The following PLXDC2 variants were observed in gnomAD, a reference collection of about 807,000 sequenced individuals.
PLXDC2 encodes the protein plexin domain-containing protein 2.
In PLXDC2, 40 loss-of-function variants were observed where a neutral mutation model predicts 68.9. The ratio of observed to expected loss-of-function variants is 0.58; its 90% CI spans 0.45 to 0.76. The LOEUF is 0.76. Ranked by LOEUF, PLXDC2 falls within the 30% of genes least tolerant of loss-of-function variation. PLXDC2 has a pLI of 0.00. For missense variants in PLXDC2, 644 were observed against 661.9 expected (o/e 0.97, Z 0.30); for synonymous variants, 243 against 234.2 (o/e 1.04, Z -0.34).
chr10:20,192,224 C>T (rs1019714683), intron 9 of PLXDC2, among the ~76,000 whole-genome samples: 1 of 151,952 alleles, frequency 6.6e-6, no homozygotes, highest in Non-Finnish European at 1.5e-5. Flanking sequence ...TACACGTAGC[C>T]TTACCAAGTA....
rs1371554306 is a variant in PLXDC2, at chr10:20,102,534, A to C, written c.541+34295A>C. Among the ~76,000 whole-genome samples, 6 of 152,228 alleles carry C rather than the reference A, an allele frequency of 3.9e-5. No homozygotes were observed. In the East Asian group the frequency reaches 1.2e-3, roughly 29 times the overall value. ...ATCACCAGCAGCAGAAGGATTCTGG[A>C]TATGTTTTGAAGGGATTGGTAATAA... On this transcript the variant is annotated intron_variant, in intron 4 of 13. Transcript: ENST00000377252.
intron 4 of PLXDC2, among the ~76,000 whole-genome samples, chr10:20,090,944 T>C (rs1323141295): frequency 2.0e-5 from 3 of 152,174 alleles, no homozygotes; most frequent in African/African-American, 7.2e-5. Flanking sequence ...CAATCAAGTG[T>C]CTAATGAATA....
At chr10:19,942,293 A>G (rs1833832905) in intron 1 of PLXDC2, among the ~76,000 whole-genome samples, 1 of 152,230 alleles carries the variant, frequency 6.6e-6, no homozygotes, top group African/African-American at 2.4e-5. Flanking sequence ...CCCTTCTACT[A>G]TACTAAAAAG....
chr10:20,160,353 C>A (rs1834274703), intron 6 of PLXDC2, among the ~76,000 whole-genome samples: 1 of 152,072 alleles, frequency 6.6e-6, no homozygotes, highest in Non-Finnish European at 1.5e-5. Context: ...AAACTGGCAA[C>A]AAGTTAAAGC....
intron 6 of PLXDC2, among the ~76,000 whole-genome samples, chr10:20,159,566 T>G (rs906524041): frequency 9.9e-5 from 15 of 152,128 alleles, no homozygotes; most frequent in Non-Finnish European, 1.6e-4. Context: ...CAGCGTGATA[T>G]TTTTCCAAAA....
intron 13 of PLXDC2, among the ~76,000 whole-genome samples, chr10:20,259,138 TA>T (rs1835779980): frequency 6.6e-6 from 1 of 152,142 alleles, no homozygotes; most frequent in South Asian, 2.1e-4. Context: ...ATCTCCAAGT[TA>T]AAAAATATAT....
At chr10:19,951,564 T>C (rs1358060774) in intron 1 of PLXDC2, among the ~76,000 whole-genome samples, 2 of 152,228 alleles carry the variant, frequency 1.3e-5, no homozygotes, top group Non-Finnish European at 2.9e-5. Flanking sequence ...GAATATAAGT[T>C]AGTTCAGCTA....
intron 1 of PLXDC2, among the ~76,000 whole-genome samples, chr10:19,820,241 A>G: frequency 6.6e-6 from 1 of 152,214 alleles, no homozygotes; most frequent in East Asian, 1.9e-4. Context: ...CTTGTCAGGG[A>G]GAATGTATTT....
chr10:20,058,540 A>G (rs1321147060), intron 3 of PLXDC2, among the ~76,000 whole-genome samples: 3 of 152,356 alleles, frequency 2.0e-5, no homozygotes, highest in Middle Eastern at 6.8e-3. Context: ...ATAGTGTCCA[A>G]GATATCTGTT....
rs985283842 is a variant in PLXDC2, at chr10:19,816,481, C to T, written c.-599C>T. On this transcript the variant is annotated 5_prime_UTR_variant, in exon 1 of 14. Transcript: ENST00000377252. Reference sequence around the variant, plus strand: ...CAGGGCTCAGCTCTTTGGAGCTGCCCATTCCTCCGGCTGCGAGAAAGGACG... The same window carrying T: ...CAGGGCTCAGCTCTTTGGAGCTGCCTATTCCTCCGGCTGCGAGAAAGGACG... 7 of 149,442 alleles carry T rather than the reference C, an allele frequency of 4.7e-5. No individual in the cohort carries two copies. The highest frequency in any genetic ancestry group is 1.0e-4 in the Non-Finnish European group (7 of 68,472). The allele number at this position is 149,442 out of a possible 1,614,324, so 9.3% of individuals were successfully genotyped here.
chr10:19,825,104 T>C (rs1836546719), intron 1 of PLXDC2, among the ~76,000 whole-genome samples: 1 of 152,184 alleles, frequency 6.6e-6, no homozygotes, highest in Non-Finnish European at 1.5e-5. Context: ...CTTATCATAG[T>C]TAGTGGTCTG....
At chr10:20,098,671 A>G (rs1430196628) in intron 4 of PLXDC2, among the ~76,000 whole-genome samples, 1 of 152,156 alleles carries the variant, frequency 6.6e-6, no homozygotes. Flanking sequence ...GATATTGTTC[A>G]AGATGGCATT....
At chr10:20,245,309 C>T (rs1416785737) in intron 12 of PLXDC2, 36 bp from the exon 13 acceptor site, 5 of 1,566,386 alleles carry the variant, frequency 3.2e-6, no homozygotes, top group African/African-American at 2.7e-5. Flanking sequence ...TGAGGGTAAA[C>T]TCATGAAGGT....
At chr10:19,819,475 T>A (rs1836423877) in intron 1 of PLXDC2, among the ~76,000 whole-genome samples, 1 of 128,036 alleles carries the variant, frequency 7.8e-6, no homozygotes, top group African/African-American at 2.7e-5. Flanking sequence ...ATATAAAAAT[T>A]CAGTATGGGG....
chr10:20,096,066 A>C (rs1287709870), intron 4 of PLXDC2, among the ~76,000 whole-genome samples: 1 of 152,102 alleles, frequency 6.6e-6, no homozygotes, highest in African/African-American at 2.4e-5. Flanking sequence ...TCTTCTTTTC[A>C]AGAGCCATTT....
chr10:20,186,144 C>G (rs12569825), intron 9 of PLXDC2, among the ~76,000 whole-genome samples: 1 of 151,762 alleles, frequency 6.6e-6, no homozygotes, highest in African/African-American at 2.4e-5. Context: ...TTTGTCTTTG[C>G]TAAAAAAAGT....
At chr10:19,932,820 G>T (rs1833662771) in intron 1 of PLXDC2, among the ~76,000 whole-genome samples, 1 of 152,178 alleles carries the variant, frequency 6.6e-6, no homozygotes, top group Non-Finnish European at 1.5e-5. Flanking sequence ...TTCTGAATTT[G>T]TTGTGCTCCA....
chr10:20,243,004 G>A (rs986740301), intron 12 of PLXDC2, among the ~76,000 whole-genome samples: 7 of 152,122 alleles, frequency 4.6e-5, no homozygotes, highest in Non-Finnish European at 8.8e-5. Flanking sequence ...GAGCCACCAC[G>A]CCTGGCTCCA....
intron 9 of PLXDC2, among the ~76,000 whole-genome samples, chr10:20,193,221 T>C (rs545527765): frequency 6.6e-6 from 1 of 152,194 alleles, no homozygotes; most frequent in South Asian, 2.1e-4. Context: ...ATATGGCCTG[T>C]AAGCCCAGAA....
Sources: allele counts gnomAD v4.1 joint callset (sites outside exome capture counted in the v4.1 genomes callset), GRCh38; gene constraint gnomAD v4.1.1; transcripts MANE v1.5; gene names NCBI Gene and HGNC (gene_info 2026-07-23, HGNC 2026-07-21).